Variants in PLBD2 observed in about 807,000 individuals in gnomAD.
PLBD2 encodes the protein phospholipase B domain containing 2.
In PLBD2, 51 loss-of-function variants were observed where a neutral mutation model predicts 68.3. That is an observed-to-expected ratio of 0.75 (90% CI 0.60 to 0.94). PLBD2 has a LOEUF of 0.94. Among genes scored for constraint, PLBD2 ranks in the 40% least tolerant of loss-of-function variants. The pLI is 0.00. For missense variants in PLBD2, 729 were observed against 792.2 expected, an observed-to-expected ratio of 0.92 and a Z score of 0.96; for synonymous variants, 314 against 339.3, an observed-to-expected ratio of 0.93 and a Z score of 0.82.
At chr12:113,374,328 G>A in intron 3 of PLBD2, 146 bp from the exon 4 acceptor site, 1 of 611,306 alleles carries the variant, frequency 1.6e-6, no homozygotes, top group South Asian at 2.0e-5. Flanking sequence ...TAGTTTGGGG[G>A]AGTCAAGGCT....
At chr12:113,369,274 T>C (rs1957368601) in intron 2 of PLBD2, 65 bp downstream of exon 2, 11 of 1,401,642 alleles carry the variant, frequency 7.8e-6, no homozygotes, top group Non-Finnish European at 1.1e-5. Context: ...TGTTCCCCAG[T>C]GTGCTTTTGA....
In PLBD2 at chr12:113,381,926, G is replaced by A. The variant is rs564175748; in HGVS notation, c.957+1084G>A. On this transcript the variant is annotated intron_variant, in intron 6 of 11. Transcript: ENST00000280800. ...AACCTCCCACCTCCTGGGTTCAGGC[G>A]ATCCTCCTGCCTCAGCCTCCTGAGT... is the stretch of plus-strand genomic sequence containing the variant. Among the ~76,000 whole-genome samples the A allele has an allele frequency of 3.3e-5, 5 of 152,186 alleles. No individual in the cohort carries two copies. The South Asian group carries it at 8.3e-4, about 25-fold the overall frequency.
At chr12:113,368,855 G>A (rs1271977514) in intron 1 of PLBD2, among the ~76,000 whole-genome samples, 1 of 152,132 alleles carries the variant, frequency 6.6e-6, no homozygotes, top group East Asian at 1.9e-4. Context: ...TGTTATTGTG[G>A]GTAAGGGAAT....
Position 113,387,920 on chromosome 12 carries a change from C to A in PLBD2, c.1602+14C>A. 6.2e-7 allele frequency: 1 copy of A among 1,613,646 alleles called. No homozygotes were observed. Among genetic ancestry groups the A allele is most frequent in the South Asian group, 1.1e-5 (1 of 91,068 alleles). ...ATCGATGTGAAGGTGCTGCCTCCTC[C>A]CTAGGGCCTGAGCTGTGGGTGGGGG... is the stretch of plus-strand genomic sequence containing the variant. On this transcript the variant is annotated intron_variant, in intron 11 of 11. Coordinates refer to ENST00000280800, the MANE Select transcript of PLBD2 (RefSeq NM_173542.4).
chr12:113,377,666 TCC>T lies in PLBD2; in HGVS notation c.859+2660_859+2661del, dbSNP rs1957447038. Among the ~76,000 whole-genome samples, 8 of 152,316 alleles carry T rather than the reference TCC, an allele frequency of 5.3e-5. No individual in the cohort carries two copies. In the South Asian group the frequency reaches 1.5e-3, roughly 28 times the overall value. On this transcript the variant is annotated intron_variant, in intron 5 of 11. Transcript: ENST00000280800. ...GTCTTGAATACCTGACCTCAAGTGA[TCC>T]AACCGCCTGTCCTGATTTCTCACAG...
intron 1 of PLBD2, 65 bp downstream of exon 1, chr12:113,358,955 G>C (rs922105200): frequency 6.9e-7 from 1 of 1,443,674 alleles, no homozygotes; most frequent in Admixed American, 3.0e-5. Flanking sequence ...GCCGGACCTC[G>C]CCTGTTCCCG....
intron 3 of PLBD2, among the ~76,000 whole-genome samples, chr12:113,373,433 G>A (rs1957407106): frequency 1.3e-5 from 2 of 152,188 alleles, no homozygotes; most frequent in Admixed American, 1.3e-4. Context: ...GCCTAGCCTA[G>A]GCCAGGTTTG....
chr12:113,358,698 C>T lies in PLBD2; in HGVS notation c.98C>T (p.Pro33Leu). Reference sequence around the variant, plus strand: ...CTGGTGCTGGCCCTGCTGGTCGGGCCGTTCCTGAGCGGCCTGGCGGGGGCG... The same window carrying T: ...CTGGTGCTGGCCCTGCTGGTCGGGCTGTTCCTGAGCGGCCTGGCGGGGGCG... ...LALVLALLVG[P>L]FLSGLAGAIP... Residue 33 changes from proline to leucine, a missense_variant, in exon 1 of 12, where the codon CCG (proline) becomes CTG (leucine). Coordinates refer to ENST00000280800, the MANE Select transcript of PLBD2 (RefSeq NM_173542.4). The T allele has an allele frequency of 1.4e-6, 2 of 1,408,516 alleles. No individual in the cohort carries two copies. Among genetic ancestry groups the T allele is most frequent in the Non-Finnish European group, 1.8e-6 (2 of 1,089,432 alleles). The allele number at this position is 1,408,516 out of a possible 1,614,324, so 87.3% of individuals were successfully genotyped here.
In PLBD2 at chr12:113,372,350, AC is replaced by A. The variant is rs1214082557; in HGVS notation, c.385-298del. 1.3e-5 allele frequency among the ~76,000 whole-genome samples: 2 copies of A among 152,160 alleles called. No individual in the cohort carries two copies. Among genetic ancestry groups the A allele is most frequent in the African/African-American group, 2.4e-5 (1 of 41,434 alleles). On this transcript the variant is annotated intron_variant, in intron 2 of 11. Coordinates refer to ENST00000280800, the MANE Select transcript of PLBD2 (RefSeq NM_173542.4). The surrounding 1 kb of genome is among the most constrained non-coding windows in gnomAD (Gnocchi z 4.2). ...AACATAATAGGTGCTCAAAAAAAAA[AC>A]ATTCATGGATTGACTAACTGAACAC...
At chr12:113,374,687 A>G in intron 4 of PLBD2, 106 bp from the exon 5 acceptor site, 1 of 1,480,554 alleles carries the variant, frequency 6.8e-7, no homozygotes, top group Non-Finnish European at 9.3e-7. Flanking sequence ...TGGCCTTGGA[A>G]CAGTCAGCTG....
chr12:113,375,416 T>C (rs1375491263), intron 5 of PLBD2, among the ~76,000 whole-genome samples: 1 of 152,204 alleles, frequency 6.6e-6, no homozygotes, highest in African/African-American at 2.4e-5. Flanking sequence ...CCTCCCAAAG[T>C]GCTGTGATTA....
intron 1 of PLBD2, among the ~76,000 whole-genome samples, chr12:113,364,462 C>T (rs2136900712): frequency 6.6e-6 from 1 of 151,250 alleles, no homozygotes; most frequent in African/African-American, 2.4e-5. Flanking sequence ...CTCCTACCCC[C>T]TCAGATTCTT....
chr12:113,360,448 G>A (rs1046576876), intron 1 of PLBD2, among the ~76,000 whole-genome samples: 1 of 152,328 alleles, frequency 6.6e-6, no homozygotes, highest in African/African-American at 2.4e-5. Context: ...CTCCTGGGCT[G>A]TGTTGCTCTT....
intron 1 of PLBD2, among the ~76,000 whole-genome samples, chr12:113,364,208 C>T (rs962232441): frequency 2.0e-5 from 3 of 152,380 alleles, no homozygotes; most frequent in Non-Finnish European, 2.9e-5. Flanking sequence ...TCCGGGGCCT[C>T]AGTGCCGAGG....
In PLBD2 at chr12:113,391,418, A is replaced by G. The variant is rs1203042544; in HGVS notation, c.*2792A>G. 1 of 152,340 alleles carries G rather than the reference A, an allele frequency of 6.6e-6. No individual in the cohort carries two copies. Among genetic ancestry groups the G allele is most frequent in the East Asian group, 1.9e-4 (1 of 5,186 alleles). The allele number at this position is 152,340 out of a possible 1,614,324, so 9.4% of individuals were successfully genotyped here. A position where few individuals can be genotyped will look rare whatever the true frequency, so the allele number is the denominator to read the frequency against. Reference sequence around the variant, plus strand: ...GGCCTCATGCACTCAGCATCTCTTTATTAGCAAACACTTATTGAACCCCTA... The same window carrying G: ...GGCCTCATGCACTCAGCATCTCTTTGTTAGCAAACACTTATTGAACCCCTA... On this transcript the variant is annotated 3_prime_UTR_variant, in exon 12 of 12. Coordinates refer to ENST00000280800, the MANE Select transcript of PLBD2 (RefSeq NM_173542.4).
chr12:113,363,537 CTT>C (rs1224575042), intron 1 of PLBD2, among the ~76,000 whole-genome samples: 13 of 133,494 alleles, frequency 9.7e-5, no homozygotes, highest in Admixed American at 2.3e-4. Context: ...ACATTTTTAG[CTT>C]TTTTTTTTTT....
chr12:113,366,216 C>T (rs1449411042), intron 1 of PLBD2, among the ~76,000 whole-genome samples: 1 of 152,158 alleles, frequency 6.6e-6, no homozygotes, highest in African/African-American at 2.4e-5. Flanking sequence ...CAGCCCTGGC[C>T]AAGCCTGCCT....
chr12:113,369,304 C>G lies in PLBD2; in HGVS notation c.384+95C>G. ...TTTTGAGATGTGTGCAGAGTAGGCC[C>G]CCAACTCCTGCCACAGCCCTTCATC... On this transcript the variant is annotated intron_variant, in intron 2 of 11. Coordinates refer to ENST00000280800, the MANE Select transcript of PLBD2 (RefSeq NM_173542.4). 3 of 899,128 alleles carry G rather than the reference C, an allele frequency of 3.3e-6. No individual in the cohort carries two copies. In the South Asian group the frequency reaches 7.6e-5, roughly 23 times the overall value. The allele number at this position is 899,128 out of a possible 1,614,324, so 55.7% of individuals were successfully genotyped here. A position where few individuals can be genotyped will look rare whatever the true frequency, so the allele number is the denominator to read the frequency against.
At position 113,380,275 on chromosome 12, in the gene PLBD2, T is replaced by C. The variant is rs928467828; in HGVS notation, c.860-470T>C. Reference sequence around the variant, plus strand: ...ACCCAGCCTCCCAAGTAGCTGGGACTATAGGCGCACGCCACCACGCCTGGC... The same window carrying C: ...ACCCAGCCTCCCAAGTAGCTGGGACCATAGGCGCACGCCACCACGCCTGGC... On this transcript the variant is annotated intron_variant, in intron 5 of 11. Coordinates refer to ENST00000280800, the MANE Select transcript of PLBD2 (RefSeq NM_173542.4). Among the ~76,000 whole-genome samples the C allele has an allele frequency of 2.6e-5, 4 of 152,316 alleles. No homozygotes were observed. The South Asian group carries it at 6.2e-4, about 24-fold the overall frequency.
Sources: gnomAD v4.1 joint callset for allele counts (sites outside exome capture counted in the v4.1 genomes callset) on GRCh38, gnomAD v4.1.1 for gene constraint, Gnocchi (gnomAD v3.1) non-coding constraint, MANE v1.5 for transcripts, NCBI Gene and HGNC (gene_info 2026-07-23, HGNC 2026-07-21) for gene names.